The following FLRT1 variants were observed in gnomAD, a reference collection of about 807,000 sequenced individuals.
The protein encoded by FLRT1 is fibronectin leucine rich transmembrane protein 1.
In FLRT1, 14 loss-of-function variants were observed where a neutral mutation model predicts 30.9. The ratio of observed to expected loss-of-function variants is 0.45; its 90% CI spans 0.30 to 0.71. The LOEUF (loss-of-function observed/expected upper bound fraction) is 0.71. Among genes scored for constraint, FLRT1 ranks in the 30% least tolerant of loss-of-function variants. The probability of loss-of-function intolerance (pLI) is 0.08; values close to 1 mark genes in which losing one functional copy is unlikely to be tolerated. For synonymous variants in FLRT1, 368 were observed against 430.4 expected, an observed-to-expected ratio of 0.85 and a Z score of 1.80; for missense variants, 737 against 949.2, an observed-to-expected ratio of 0.78 and a Z score of 2.94.
At chr11:64,078,675 C>T (rs1288790845) in intron 1 of FLRT1, among the ~76,000 whole-genome samples, 2 of 152,120 alleles carry the variant, frequency 1.3e-5, no homozygotes, top group South Asian at 2.1e-4. Flanking sequence ...TGCTCTTCAC[C>T]GAGCTTTGAG....
At chr11:64,103,016 A>G (rs1356227443) in intron 1 of FLRT1, among the ~76,000 whole-genome samples, 178 bp from the exon 2 acceptor site, 1 of 151,942 alleles carries the variant, frequency 6.6e-6, no homozygotes, top group African/African-American at 2.4e-5. Context: ...GGTCGCAGTG[A>G]GCCGAGATTG....
chr11:64,084,811 C>T (rs1044623077), intron 1 of FLRT1, among the ~76,000 whole-genome samples: 1 of 152,174 alleles, frequency 6.6e-6, no homozygotes, highest in Non-Finnish European at 1.5e-5. Flanking sequence ...AGAACCGTAG[C>T]CCCAAGGTCC....
rs750043274 is a variant in FLRT1 at position 64,117,491 on chromosome 11, CCT to C, written c.1225_1226del (p.Leu409ValfsTer18). 6.2e-7 allele frequency: 1 copy of C among 1,611,420 alleles called. No homozygotes were observed. Among genetic ancestry groups the C allele is most frequent in the Admixed American group, 1.7e-5 (1 of 59,856 alleles). On this transcript the variant is annotated frameshift_variant, in exon 3 of 3. Transcript: ENST00000682287. LOFTEE classifies it high-confidence loss of function. Reference sequence around the variant, plus strand: ...CCTCTGCCACCACGCCCCAGGGTTCCCTGTTTACCCTCAAGGCCAAAAGGCCA... The same window carrying C: ...CCTCTGCCACCACGCCCCAGGGTTCCGTTTACCCTCAAGGCCAAAAGGCCA... The part of the protein sequence containing the change: ...HASATTPQGS[L>X]FTLKAKRPGL...
intron 1 of FLRT1, among the ~76,000 whole-genome samples, chr11:64,046,241 TGAG>T (rs1460803257): frequency 6.6e-6 from 1 of 152,106 alleles, no homozygotes; most frequent in Non-Finnish European, 1.5e-5. Flanking sequence ...TCATCCAAAG[TGAG>T]GAAGCCCCAG....
rs1944466016 is a variant in FLRT1, at chr11:64,090,247, C to T, written c.-1037-12947C>T. Among the ~76,000 whole-genome samples the T allele has an allele frequency of 6.6e-6, 1 of 152,152 alleles. No individual in the cohort carries two copies. Among genetic ancestry groups the T allele is most frequent in the South Asian group, 2.1e-4 (1 of 4,828 alleles). ...AAAGGCCAACGGGCGTGTGGGTCTC[C>T]AGCCTTTGCTCATCCTCGGGAAATG... On this transcript the variant is annotated intron_variant, in intron 1 of 2. Transcript: ENST00000682287. The surrounding 1 kb of genome is among the most constrained non-coding windows in gnomAD (Gnocchi z 4.7).
chr11:64,049,762 T>C (rs2134408894), intron 1 of FLRT1, among the ~76,000 whole-genome samples: 1 of 152,312 alleles, frequency 6.6e-6, no homozygotes, highest in South Asian at 2.1e-4. Context: ...TTTCTCCATC[T>C]GTGAAATGGG....
intron 1 of FLRT1, among the ~76,000 whole-genome samples, chr11:64,063,670 G>A (rs1943944852): frequency 6.6e-6 from 1 of 152,142 alleles, no homozygotes; most frequent in Non-Finnish European, 1.5e-5. Context: ...GTGCTGGATG[G>A]GCAGAAGCCT....
chr11:64,118,315 C>T lies in FLRT1; in HGVS notation c.*23C>T, dbSNP rs181750370. 24 of 1,530,782 alleles carry T rather than the reference C, an allele frequency of 1.6e-5. No individual in the cohort carries two copies. In the Admixed American group the frequency reaches 1.6e-4, roughly 10 times the overall value. 94.8% of individuals were successfully genotyped at this position (1,530,782 alleles called of 1,614,324 possible). On this transcript the variant is annotated 3_prime_UTR_variant, in exon 3 of 3. Coordinates refer to ENST00000682287, the MANE Select transcript of FLRT1 (RefSeq NM_013280.5). ...TGATGCCCGCCCACCCGGGCTGCCC[C>T]GCCTCAGCCCCAGCTGCCCTGGCGT...
At chr11:64,048,633 A>G (rs560803726) in intron 1 of FLRT1, among the ~76,000 whole-genome samples, 4 of 152,334 alleles carry the variant, frequency 2.6e-5, no homozygotes, top group Non-Finnish European at 5.9e-5. Flanking sequence ...CCTGCCGCTA[A>G]GCACTTTATG....
At chr11:64,108,849 G>A (rs887495607) in intron 2 of FLRT1, among the ~76,000 whole-genome samples, 26 of 152,290 alleles carry the variant, frequency 1.7e-4, no homozygotes, top group African/African-American at 6.3e-4. Context: ...AAAAGCCAAA[G>A]GACCCCAGGG....
chr11:64,089,504 AG>A (rs947436804), intron 1 of FLRT1, among the ~76,000 whole-genome samples: 37 of 152,322 alleles, frequency 2.4e-4, no homozygotes, highest in African/African-American at 8.4e-4. Flanking sequence ...TGACTCCCCC[AG>A]GGCATTCTCC....
rs145399902 is a variant in FLRT1 at position 64,117,160 on chromosome 11, G to T, written c.893G>T (p.Arg298Leu). The T allele has an allele frequency of 6.2e-7, 1 of 1,613,772 alleles. No homozygotes were observed. The highest frequency in any genetic ancestry group is 8.5e-7 in the Non-Finnish European group (1 of 1,179,982). The change falls in exon 3 of 3, where the codon CGG becomes CTG. Residue 298 changes from arginine (R) to leucine (L), a missense_variant. Physicochemically the swap from Arg to Leu is moderately radical, Grantham distance 102. Transcript: ENST00000682287. ...NTLAKMRELE[R>L]LDLSNNNLTT... ...CTGGCCAAGATGCGTGAGCTGGAGC[G>T]GCTGGACCTGTCCAACAACAACCTG...
intron 2 of FLRT1, among the ~76,000 whole-genome samples, chr11:64,112,001 G>A (rs1451133217): frequency 6.6e-6 from 1 of 152,204 alleles, no homozygotes; most frequent in Non-Finnish European, 1.5e-5. Context: ...CTGAGGTCCT[G>A]CAGCCACGCA....
At chr11:64,058,040 C>T (rs1943823212) in intron 1 of FLRT1, among the ~76,000 whole-genome samples, 2 of 152,234 alleles carry the variant, frequency 1.3e-5, no homozygotes, top group Non-Finnish European at 1.5e-5. Flanking sequence ...CTGAGTAATG[C>T]GCAATGTAAT....
At chr11:64,086,678 T>C (rs116252820) in intron 1 of FLRT1, among the ~76,000 whole-genome samples, 3,506 of 152,246 alleles carry the variant, frequency 0.023, 133 homozygotes, top group African/African-American at 0.081. Context: ...TCACATCATG[T>C]GTTCAGGGAA....
chr11:64,093,296 C>T (rs1218938097), intron 1 of FLRT1, among the ~76,000 whole-genome samples: 1 of 152,222 alleles, frequency 6.6e-6, no homozygotes, highest in Non-Finnish European at 1.5e-5. Flanking sequence ...AGAACTCGAT[C>T]GAGTCAGCTG....
chr11:64,084,889 G>C lies in FLRT1; in HGVS notation c.-1037-18305G>C, dbSNP rs567683369. 4.6e-5 allele frequency among the ~76,000 whole-genome samples: 7 copies of C among 152,356 alleles called. No individual in the cohort carries two copies. The East Asian group carries it at 9.6e-4, about 21-fold the overall frequency. Reference sequence around the variant, plus strand: ...GACTCACAGGGAGAGCTGCGTGTGTGGGGGCTCTGCAGTCCCCCTGCTCCC... The same window carrying C: ...GACTCACAGGGAGAGCTGCGTGTGTCGGGGCTCTGCAGTCCCCCTGCTCCC... On this transcript the variant is annotated intron_variant, in intron 1 of 2. Coordinates refer to ENST00000682287, the MANE Select transcript of FLRT1 (RefSeq NM_013280.5).
chr11:64,056,969 C>T (rs566646927), intron 1 of FLRT1, among the ~76,000 whole-genome samples: 36 of 152,200 alleles, frequency 2.4e-4, no homozygotes, highest in Non-Finnish European at 3.4e-4. Flanking sequence ...CCACCCAGCC[C>T]GGGTACAGCC....
intron 2 of FLRT1, among the ~76,000 whole-genome samples, chr11:64,105,306 C>G (rs1277080075): frequency 6.6e-6 from 1 of 152,192 alleles, no homozygotes; most frequent in African/African-American, 2.4e-5. Context: ...AGGCTGAAGC[C>G]AAGCTAGAGG....
Sources: gnomAD v4.1 joint callset for allele counts (sites outside exome capture counted in the v4.1 genomes callset) on GRCh38, gnomAD v4.1.1 for gene constraint, Gnocchi (gnomAD v3.1) non-coding constraint, MANE v1.5 for transcripts, NCBI Gene and HGNC (gene_info 2026-07-23, HGNC 2026-07-21) for gene names.